Variants in BZW2 observed in about 807,000 individuals in gnomAD.
BZW2 encodes the protein eIF5-mimic protein 1.
BZW2 carries 23 observed loss-of-function variants against 53.2 expected under a neutral mutation model. The ratio of observed to expected loss-of-function variants is 0.43; its 90% CI spans 0.31 to 0.61. The LOEUF (loss-of-function observed/expected upper bound fraction) is 0.61. Ranked by LOEUF, BZW2 falls within the 20% of genes least tolerant of loss-of-function variation. The pLI is 0.09. For synonymous variants in BZW2, 227 were observed against 186.4 expected (o/e 1.22, Z -1.77); for missense variants, 409 against 503.1 (o/e 0.81, Z 1.79).
At chr7:16,661,264 G>A (rs1782252586) in intron 1 of BZW2, 1 of 152,108 alleles carries the variant, frequency 6.6e-6, no homozygotes, top group African/African-American at 2.4e-5. Flanking sequence ...TAAGTCCTCT[G>A]GTAGATCAGT....
At chr7:16,690,556 A>T (rs1783269586) in intron 7 of BZW2, among the ~76,000 whole-genome samples, 1 of 152,220 alleles carries the variant, frequency 6.6e-6, no homozygotes, top group Non-Finnish European at 1.5e-5. Flanking sequence ...TAAAAATTTC[A>T]TCAATCTCAC....
chr7:16,676,136 T>G (rs576089160), intron 3 of BZW2, among the ~76,000 whole-genome samples: 4 of 152,370 alleles, frequency 2.6e-5, no homozygotes, highest in South Asian at 2.1e-4. Flanking sequence ...GGTGACATTA[T>G]GCAAATACGA....
chr7:16,675,185 A>T (rs1400954512), intron 3 of BZW2, among the ~76,000 whole-genome samples: 1 of 152,214 alleles, frequency 6.6e-6, no homozygotes, highest in Admixed American at 6.5e-5. Context: ...AATATTTATT[A>T]AGTATAATAG....
chr7:16,689,941 A>T, intron 7 of BZW2, 35 bp downstream of exon 7: 1 of 1,537,952 alleles, frequency 6.5e-7, no homozygotes, highest in Non-Finnish European at 8.9e-7. Context: ...TGTATGTATG[A>T]TGCCTTTCTT....
At chr7:16,688,793 G>A (rs1783209620) in intron 6 of BZW2, among the ~76,000 whole-genome samples, 1 of 152,118 alleles carries the variant, frequency 6.6e-6, no homozygotes, top group Admixed American at 6.6e-5. Context: ...GAAATAAGTG[G>A]TAATGTAAAT....
chr7:16,651,607 T>C (rs1340063590), intron 1 of BZW2, among the ~76,000 whole-genome samples: 1 of 152,194 alleles, frequency 6.6e-6, no homozygotes, highest in African/African-American at 2.4e-5. Flanking sequence ...GGTGTTAGTA[T>C]TTGGGAGTGT....
At chr7:16,679,501 T>C (rs2128360886) in intron 3 of BZW2, among the ~76,000 whole-genome samples, 1 of 152,338 alleles carries the variant, frequency 6.6e-6, no homozygotes, top group South Asian at 2.1e-4. Context: ...CTAATTTACT[T>C]ACTAAACTGT....
At chr7:16,697,186 C>G in intron 9 of BZW2, 125 bp downstream of exon 9, 2 of 1,121,066 alleles carry the variant, frequency 1.8e-6, no homozygotes, top group Non-Finnish European at 2.5e-6. Flanking sequence ...AACTCCTGGG[C>G]TCAAGCCACC....
intron 6 of BZW2, chr7:16,686,809 A>G (rs1783140971): frequency 6.6e-6 from 1 of 152,222 alleles, no homozygotes; most frequent in African/African-American, 2.4e-5. Context: ...CTTGTAGCTA[A>G]GGAAAGAATA....
intron 1 of BZW2, among the ~76,000 whole-genome samples, chr7:16,646,740 C>T (rs1781874802): frequency 6.6e-6 from 1 of 152,198 alleles, no homozygotes; most frequent in Non-Finnish European, 1.5e-5. Flanking sequence ...GTGATCCTCG[C>T]CCTCCCCACT....
chr7:16,653,305 A>C (rs1250355033), intron 1 of BZW2, among the ~76,000 whole-genome samples: 8 of 151,936 alleles, frequency 5.3e-5, no homozygotes, highest in Non-Finnish European at 8.8e-5. Context: ...TGAAGATTTT[A>C]TTTTCCTCTT....
chr7:16,680,733 C>T (rs1400258387), intron 3 of BZW2, among the ~76,000 whole-genome samples: 2 of 151,898 alleles, frequency 1.3e-5, no homozygotes, highest in African/African-American at 4.8e-5. Context: ...CTTGAGCACC[C>T]TGGAGGTTGA....
chr7:16,686,825 T>C (rs571516759), intron 6 of BZW2: 2 of 152,312 alleles, frequency 1.3e-5, no homozygotes, highest in East Asian at 3.9e-4. Flanking sequence ...GAATAGTAAA[T>C]TGAGAGTCAA....
At chr7:16,660,787 C>T (rs889697476) in intron 1 of BZW2, among the ~76,000 whole-genome samples, 2 of 152,052 alleles carry the variant, frequency 1.3e-5, no homozygotes, top group Non-Finnish European at 2.9e-5. Context: ...TGATAGAGAA[C>T]GTTTCCATCA....
chr7:16,694,008 A>G (rs1450533399), intron 7 of BZW2, among the ~76,000 whole-genome samples: 1 of 152,216 alleles, frequency 6.6e-6, no homozygotes, highest in Non-Finnish European at 1.5e-5. Flanking sequence ...AAAAGCTTGG[A>G]TATATTTTTT....
chr7:16,664,500 C>A (rs925205782), intron 1 of BZW2, among the ~76,000 whole-genome samples: 32 of 152,256 alleles, frequency 2.1e-4, no homozygotes, highest in African/African-American at 7.5e-4. Context: ...AGAAGCCAGA[C>A]CTTATCTGGC....
At chr7:16,658,093 C>CT (rs1230145962) in intron 1 of BZW2, among the ~76,000 whole-genome samples, 1 of 152,110 alleles carries the variant, frequency 6.6e-6, no homozygotes, top group African/African-American at 2.4e-5. Flanking sequence ...AATGAGCTGG[C>CT]TAGCCCTTGG....
chr7:16,664,382 T>G (rs1244235337), intron 1 of BZW2, among the ~76,000 whole-genome samples: 7 of 152,178 alleles, frequency 4.6e-5, no homozygotes, highest in Admixed American at 2.6e-4. Context: ...GTGGAGATGG[T>G]CAGAGAAGAC....
rs781303797 is a variant in BZW2, at chr7:16,674,508, T to A, written c.155T>A (p.Leu52Gln). The A allele has an allele frequency of 6.2e-7, 1 of 1,613,574 alleles. No homozygotes were observed. The highest frequency in any genetic ancestry group is 8.5e-7 in the Non-Finnish European group (1 of 1,179,630). ...GDDLEAVAKF[L>Q]DSTGSRLDYR... Reference sequence around the variant, plus strand: ...GACCTTGAAGCTGTAGCCAAATTTCTGGACTCTACAGGCTCAAGATTAGAT... The same window carrying A: ...GACCTTGAAGCTGTAGCCAAATTTCAGGACTCTACAGGCTCAAGATTAGAT... Residue 52 changes from leucine to glutamine, a missense_variant, in exon 3 of 12, where the codon CTG becomes CAG. Around this residue, in one of 3 missense-constraint regions of BZW2, gnomAD observed 316 missense variants for 366.8 expected, o/e 0.86. Transcript: ENST00000258761.
Sources: gnomAD v4.1 joint callset for allele counts (sites outside exome capture counted in the v4.1 genomes callset) on GRCh38, gnomAD v4.1.1 for gene constraint, gnomAD v4.1.1 regional missense constraint, MANE v1.5 for transcripts, NCBI Gene and HGNC (gene_info 2026-07-23, HGNC 2026-07-21) for gene names.